The following SUCLG2 variants were observed in gnomAD, a reference collection of about 807,000 sequenced individuals.
SUCLG2 encodes succinate--CoA ligase [GDP-forming] subunit beta, mitochondrial.
In SUCLG2, 42 loss-of-function variants were observed where a neutral mutation model predicts 47.9. The ratio of observed to expected loss-of-function variants is 0.88; its 90% confidence interval spans 0.69 to 1.14. The LOEUF (loss-of-function observed/expected upper bound fraction) is 1.14, where lower values mean the gene tolerates loss of function less well. Ranked by LOEUF, SUCLG2 falls within the 50% of genes most tolerant of loss-of-function variation. The pLI, the probability that SUCLG2 is intolerant of heterozygous loss-of-function variation, is 0.00. For synonymous variants in SUCLG2, 195 were observed against 197.3 expected (o/e 0.99, Z 0.10); for missense variants, 571 against 525.9 (o/e 1.09, Z -0.84).
intron 9 of SUCLG2, among the ~76,000 whole-genome samples, chr3:67,486,935 T>C (rs1705069804): frequency 6.6e-6 from 1 of 152,200 alleles, no homozygotes; most frequent in South Asian, 2.1e-4. Context: ...GCTGTGGAAT[T>C]ACAAATGACT....
At chr3:67,619,441 G>A (rs1488735381) in intron 1 of SUCLG2, among the ~76,000 whole-genome samples, 1 of 152,176 alleles carries the variant, frequency 6.6e-6, no homozygotes, top group African/African-American at 2.4e-5. Flanking sequence ...GGCAGTGCTG[G>A]TGTATTATCT....
At chr3:67,473,039 T>G (rs1049308495) in intron 9 of SUCLG2, among the ~76,000 whole-genome samples, 8 of 152,198 alleles carry the variant, frequency 5.3e-5, no homozygotes, top group African/African-American at 1.9e-4. Flanking sequence ...AGTATGTTAT[T>G]AAGTGGAAAA....
chr3:67,633,590 T>C (rs1700961596), intron 1 of SUCLG2, among the ~76,000 whole-genome samples: 2 of 152,326 alleles, frequency 1.3e-5, no homozygotes, highest in South Asian at 2.1e-4. Context: ...AATTCCATAA[T>C]GAAATGCCAG....
At chr3:67,548,021 G>C (rs895841102) in intron 2 of SUCLG2, among the ~76,000 whole-genome samples, 2 of 152,174 alleles carry the variant, frequency 1.3e-5, no homozygotes, top group Non-Finnish European at 2.9e-5. Context: ...TCAGCATACG[G>C]TCATTCATTC....
At chr3:67,590,976 A>G (rs1489153218) in intron 2 of SUCLG2, among the ~76,000 whole-genome samples, 6 of 152,348 alleles carry the variant, frequency 3.9e-5, no homozygotes, top group Non-Finnish European at 5.9e-5. Context: ...AATTATTTAC[A>G]GTTGTAGAGA....
chr3:67,362,184 G>A (rs1050405480), intron 10 of SUCLG2, among the ~76,000 whole-genome samples: 41 of 152,200 alleles, frequency 2.7e-4, no homozygotes, highest in South Asian at 4.1e-4. Flanking sequence ...CTTCCCTGTT[G>A]CTCTCCACAC....
intron 9 of SUCLG2, among the ~76,000 whole-genome samples, chr3:67,431,679 A>G (rs1703484380): frequency 6.6e-6 from 1 of 151,496 alleles, no homozygotes; most frequent in African/African-American, 2.4e-5. Context: ...ATAGGTGGGA[A>G]CTGAACAATC....
intron 9 of SUCLG2, among the ~76,000 whole-genome samples, chr3:67,402,051 C>T (rs960830856): frequency 2.0e-5 from 3 of 152,176 alleles, no homozygotes; most frequent in African/African-American, 7.2e-5. Context: ...GTGGCTGTGG[C>T]CAGGCCCAAA....
chr3:67,552,945 C>T (rs543897272), intron 2 of SUCLG2, among the ~76,000 whole-genome samples: 2 of 152,288 alleles, frequency 1.3e-5, no homozygotes, highest in South Asian at 4.1e-4. Flanking sequence ...AAGAAATATA[C>T]TGAATGCTTT....
chr3:67,627,126 T>C (rs1559603193), intron 1 of SUCLG2, among the ~76,000 whole-genome samples: 3 of 151,868 alleles, frequency 2.0e-5, no homozygotes, highest in Non-Finnish European at 2.9e-5. Flanking sequence ...ATCTGGGAAA[T>C]ACAGTTTTAT....
intron 9 of SUCLG2, among the ~76,000 whole-genome samples, chr3:67,405,296 C>A (rs1702778748): frequency 1.3e-5 from 2 of 152,150 alleles, no homozygotes; most frequent in African/African-American, 2.4e-5. Context: ...ACTCTAGCTG[C>A]AGATTTTAGT....
At chr3:67,469,456 G>A (rs1293680246) in intron 9 of SUCLG2, among the ~76,000 whole-genome samples, 3 of 152,136 alleles carry the variant, frequency 2.0e-5, no homozygotes, top group Non-Finnish European at 2.9e-5. Context: ...TTGGCTGGGT[G>A]CGGTGGCTCA....
chr3:67,489,903 G>C (rs894626404), intron 9 of SUCLG2, among the ~76,000 whole-genome samples: 2 of 152,096 alleles, frequency 1.3e-5, no homozygotes, highest in Admixed American at 6.6e-5. Context: ...GAAACTTAAG[G>C]CTAACCAATT....
At chr3:67,555,562 A>G (rs541189746) in intron 2 of SUCLG2, among the ~76,000 whole-genome samples, 2 of 152,338 alleles carry the variant, frequency 1.3e-5, no homozygotes, top group South Asian at 4.1e-4. Context: ...GGGACAAAAA[A>G]GGGATAAGTT....
At chr3:67,390,120 T>G (rs1240598544) in intron 10 of SUCLG2, among the ~76,000 whole-genome samples, 1 of 152,222 alleles carries the variant, frequency 6.6e-6, no homozygotes, top group Admixed American at 6.5e-5. Context: ...TCTGAAGAAC[T>G]GTGAGATTTT....
chr3:67,518,299 T>G lies in SUCLG2; in HGVS notation c.608A>C (p.Gln203Pro), dbSNP rs201652728. 6.4e-5 allele frequency: 104 copies of G among 1,612,764 alleles called. 1 individual carries two copies. The East Asian group carries it at 8.3e-4, about 13-fold the overall frequency. The change falls in exon 6 of 11, where the codon CAA becomes CCA. Residue 203 changes from glutamine to proline, a missense_variant. Gln to Pro is a moderately conservative substitution (Grantham distance 76). Transcript: ENST00000307227. ...IDIFEGIKDS[Q>P]AQRMAENLGF... The stretch of plus-strand genomic sequence containing the variant: ...TAGATTTTCGGCCATCCGCTGAGCT[T>G]GGCTGTCCTTTATTCCTTCAAAAAT...
At chr3:67,600,675 C>T (rs1708400181) in intron 2 of SUCLG2, among the ~76,000 whole-genome samples, 1 of 152,206 alleles carries the variant, frequency 6.6e-6, no homozygotes, top group African/African-American at 2.4e-5. Flanking sequence ...TTCCCAGCCA[C>T]CCTTGAAGTT....
intron 10 of SUCLG2, among the ~76,000 whole-genome samples, chr3:67,386,751 A>C (rs2106780749): frequency 6.6e-6 from 1 of 152,332 alleles, no homozygotes; most frequent in South Asian, 2.1e-4. Context: ...GGATTATTAC[A>C]ATTCAAGATG....
chr3:67,521,104 G>A (rs1037132379), intron 4 of SUCLG2, among the ~76,000 whole-genome samples: 1 of 152,006 alleles, frequency 6.6e-6, no homozygotes, highest in Admixed American at 6.6e-5. Context: ...CTGTCTCTTC[G>A]ATCACTATAT....
Sources: gnomAD v4.1 joint callset for allele counts (sites outside exome capture counted in the v4.1 genomes callset) on GRCh38, gnomAD v4.1.1 for gene constraint, MANE v1.5 for transcripts, NCBI Gene and HGNC (gene_info 2026-07-23, HGNC 2026-07-21) for gene names.